Variants in TCF25 observed in about 807,000 individuals in gnomAD.
The protein encoded by TCF25 is ribosome quality control complex subunit TCF25.
TCF25 carries 41 observed loss-of-function variants against 83.1 expected under a neutral mutation model. The ratio of observed to expected loss-of-function variants is 0.49; its 90% confidence interval spans 0.38 to 0.64. The LOEUF is 0.64. TCF25 is among the 30% of genes least tolerant of loss of function. The pLI, the probability that TCF25 is intolerant of heterozygous loss-of-function variation, is 0.00. For synonymous variants in TCF25, 458 were observed against 365.0 expected, an observed-to-expected ratio of 1.25 and a Z score of -2.90; for missense variants, 979 against 914.5, an observed-to-expected ratio of 1.07 and a Z score of -0.91.
Position 89,898,775 on chromosome 16 carries a change from C to A in TCF25, c.1124C>A (p.Pro375Gln). The A allele has an allele frequency of 6.2e-7, 1 of 1,613,874 alleles. No individual in the cohort carries two copies. The highest frequency in any genetic ancestry group is 1.7e-5 in the Admixed American group (1 of 60,020). The change falls in exon 11 of 18, where the codon CCG becomes CAG. Residue 375 changes from proline (P) to glutamine (Q), a missense_variant. By Grantham distance (76) the Pro-to-Gln change is moderately conservative (BLOSUM62 -1). Coordinates refer to ENST00000263346, the MANE Select transcript of TCF25 (RefSeq NM_014972.3). ...EYCKLILSLE[P>Q]DEDPLCMLLL... The stretch of plus-strand genomic sequence containing the variant: ...TGTGCTGCCTCCGGAAGTCTCGAGC[C>A]GGATGAGGACCCCCTCTGCATGCTG...
chr16:89,898,511 T>A, intron 9 of TCF25, 46 bp from the exon 10 acceptor site: 1 of 1,463,606 alleles, frequency 6.8e-7, no homozygotes, highest in Non-Finnish European at 9.3e-7. Flanking sequence ...CAGAGAGCAT[T>A]CTCCTTTGTG....
rs748590653 is a variant in TCF25 at position 89,898,606 on chromosome 16, G to A, written c.1072G>A (p.Gly358Ser). The part of the protein sequence containing the change: ...YKQMSFLEKR[G>S]CPRTALEYCK... ...GCAGATGAGCTTCCTGGAGAAGCGA[G>A]GCTGCCCGCGCACGGCGCTGGAGTA... Residue 358 changes from glycine to serine, a missense_variant, in exon 10 of 18, where the codon GGC becomes AGC. By Grantham distance (56) the Gly-to-Ser change is moderately conservative. Transcript: ENST00000263346. 2.5e-6 allele frequency: 4 copies of A among 1,611,632 alleles called. No homozygotes were observed. The highest frequency in any genetic ancestry group is 3.4e-6 in the Non-Finnish European group (4 of 1,179,928).
In TCF25 at chr16:89,905,354, G is replaced by A. The variant is rs1372824354; in HGVS notation, c.1628+258G>A. Among the ~76,000 whole-genome samples the A allele has an allele frequency of 3.9e-5, 6 of 152,134 alleles. 1 individual carries two copies. The highest frequency in any genetic ancestry group is 8.8e-5 in the Non-Finnish European group (6 of 68,020). ...GCCTCGGGCTGGAGTGGTGCCTTCGGGTCTTGCAGTGTTTCCACATGAGCT... is the reference window on the plus strand; with the variant it reads ...GCCTCGGGCTGGAGTGGTGCCTTCGAGTCTTGCAGTGTTTCCACATGAGCT... On this transcript the variant is annotated intron_variant, in intron 14 of 17. Coordinates refer to ENST00000263346, the MANE Select transcript of TCF25 (RefSeq NM_014972.3).
intron 7 of TCF25, among the ~76,000 whole-genome samples, chr16:89,894,228 C>T (rs895028928): frequency 4.0e-5 from 6 of 151,308 alleles, no homozygotes; most frequent in South Asian, 4.2e-4. Context: ...GTGCAGCCCC[C>T]GGACGGCCCC....
chr16:89,903,837 G>A (rs1230050773), intron 12 of TCF25, among the ~76,000 whole-genome samples: 3 of 152,152 alleles, frequency 2.0e-5, no homozygotes, highest in Non-Finnish European at 1.5e-5. Context: ...AACCCCATGT[G>A]TGTGGAGGGT....
chr16:89,911,064 T>C lies in TCF25; in HGVS notation c.1873-16T>C, dbSNP rs1365740035. On this transcript the variant is annotated splice_polypyrimidine_tract_variant and intron_variant, in intron 17 of 17. Transcript: ENST00000263346. ...GCACAGACAGCCCCCTTCTCAGACA[T>C]GTCCCCTTGCTGCAGGGGGAGAGGC... 6.2e-7 allele frequency: 1 copy of C among 1,610,274 alleles called. No individual in the cohort carries two copies. The highest frequency in any genetic ancestry group is 1.1e-5 in the South Asian group (1 of 90,976).
rs574782593 is a variant in TCF25 at position 89,903,336 on chromosome 16, C to T, written c.1382-782C>T. 2.2e-4 allele frequency among the ~76,000 whole-genome samples: 33 copies of T among 152,330 alleles called. No individual in the cohort carries two copies. The South Asian group carries it at 4.3e-3, about 20-fold the overall frequency. The stretch of plus-strand genomic sequence containing the variant: ...TCTTCCACTGGGCACAGGTGGCCTC[C>T]GCTCCCACCAGCCTGCCATGGGGTC... On this transcript the variant is annotated intron_variant, in intron 12 of 17. Transcript: ENST00000263346.
chr16:89,873,988 G>A (rs1462594398), intron 1 of TCF25, 129 bp downstream of exon 1: 9 of 1,182,230 alleles, frequency 7.6e-6, no homozygotes, highest in African/African-American at 1.6e-5. Context: ...GGTCCCAGCC[G>A]CAGTGGGGAG....
At chr16:89,882,584 G>A (rs1177952831) in intron 1 of TCF25, among the ~76,000 whole-genome samples, 1 of 152,080 alleles carries the variant, frequency 6.6e-6, no homozygotes, top group Non-Finnish European at 1.5e-5. Context: ...TTTATCGTAT[G>A]TCATTTTGTT....
At chr16:89,882,121 C>T (rs545283019) in intron 1 of TCF25, among the ~76,000 whole-genome samples, 63 of 152,308 alleles carry the variant, frequency 4.1e-4, no homozygotes, top group Admixed American at 1.8e-3. Context: ...GCCTGTCTCC[C>T]CTCCAATCTG....
At chr16:89,878,025 C>T (rs1045190677) in intron 1 of TCF25, among the ~76,000 whole-genome samples, 12 of 152,126 alleles carry the variant, frequency 7.9e-5, no homozygotes, top group Admixed American at 6.6e-5. Context: ...CACCTGTAAT[C>T]CCATCACTTT....
chr16:89,898,389 G>A (rs1257528938), intron 9 of TCF25, among the ~76,000 whole-genome samples, 168 bp from the exon 10 acceptor site: 1 of 151,120 alleles, frequency 6.6e-6, no homozygotes, highest in South Asian at 2.2e-4. Flanking sequence ...AGTGTGTGGG[G>A]TGGAGCGGGT....
chr16:89,899,865 C>A (rs1389879988), intron 11 of TCF25, among the ~76,000 whole-genome samples: 1 of 152,200 alleles, frequency 6.6e-6, no homozygotes, highest in African/African-American at 2.4e-5. Context: ...GGCGACAGCT[C>A]TTGACTTTCT....
At chr16:89,900,886 C>T (rs1419661916) in intron 12 of TCF25, 92 bp downstream of exon 12, 2 of 1,318,474 alleles carry the variant, frequency 1.5e-6, no homozygotes, top group Non-Finnish European at 2.0e-6. Context: ...GGTCCCAGTC[C>T]TTCCCCACAC....
At position 89,905,024 on chromosome 16, in the gene TCF25, TGGA is replaced by T; in HGVS notation, c.1561_1563del (p.Glu521del). The T allele has an allele frequency of 6.2e-7, 1 of 1,603,562 alleles. No homozygotes were observed. The highest frequency in any genetic ancestry group is 8.5e-7 in the Non-Finnish European group (1 of 1,175,590). The stretch of plus-strand genomic sequence containing the variant: ...AAAGAGCCCGCCACCATGAGCTGGC[TGGA>T]GGAGAACGTCCACGAGGTTCTGCAA... On this transcript the variant is annotated inframe_deletion, in exon 14 of 18. Coordinates refer to ENST00000263346, the MANE Select transcript of TCF25 (RefSeq NM_014972.3).
intron 14 of TCF25, among the ~76,000 whole-genome samples, chr16:89,905,501 A>T (rs11642428): frequency 0.22 from 34,023 of 152,210 alleles, 6,160 homozygotes; most frequent in African/African-American, 0.5. Flanking sequence ...ATATGCTGCA[A>T]CTGACAGGCA....
chr16:89,888,693 T>C lies in TCF25; in HGVS notation c.614+976T>C, dbSNP rs540498628. Among the ~76,000 whole-genome samples the C allele has an allele frequency of 1.3e-3, 191 of 151,066 alleles. 2 individuals are homozygous for C. The highest frequency in any genetic ancestry group is 4.4e-3 in the African/African-American group (181 of 41,338). On this transcript the variant is annotated intron_variant, in intron 5 of 17. Transcript: ENST00000263346. ...TCTCTTTCTTTCTTTTTTTTTTTTT[T>C]TGAGGCAGATTCTTGCTCTGTCGCC...
At chr16:89,909,090 G>A (rs957719953) in intron 16 of TCF25, 5 of 1,289,396 alleles carry the variant, frequency 3.9e-6, no homozygotes, top group Non-Finnish European at 4.0e-6. Flanking sequence ...GCAGGTGCGA[G>A]TGACACAGTG....
At chr16:89,907,668 T>TCCTCCCC (rs2045010378) in intron 16 of TCF25, among the ~76,000 whole-genome samples, 1 of 8,092 alleles carries the variant, frequency 1.2e-4, no homozygotes. Context: ...CCCAGCTCCC[T>TCCTCCCC]CCTCCCACCT....
Sources: gnomAD v4.1 joint callset for allele counts (sites outside exome capture counted in the v4.1 genomes callset) on GRCh38, gnomAD v4.1.1 for gene constraint, MANE v1.5 for transcripts, NCBI Gene and HGNC (gene_info 2026-07-23, HGNC 2026-07-21) for gene names.